SEZ6: variants seen among roughly 807,000 people sequenced by gnomAD.
The protein encoded by SEZ6 is seizure related 6 homolog.
Under a neutral mutation model 101.0 loss-of-function variants are expected in SEZ6, and 53 were observed. The observed-to-expected ratio is 0.52, with a 90% CI of 0.42 to 0.66. SEZ6 has a LOEUF of 0.66. SEZ6 is among the 30% of genes least tolerant of loss of function. SEZ6 has a pLI of 0.00. For missense variants in SEZ6, 1,102 were observed against 1,289.4 expected (o/e 0.85, Z 2.23); for synonymous variants, 488 against 512.2 (o/e 0.95, Z 0.64).
chr17:28,969,850 G>T lies in SEZ6; in HGVS notation c.961C>A (p.Gln321Lys). The change falls in exon 4 of 17, where the codon CAA (glutamine) becomes AAA (lysine). Residue 321 changes from glutamine (Q) to lysine (K), a missense_variant. By Grantham distance (53) the Gln-to-Lys change is moderately conservative. Transcript: ENST00000317338. Reference protein sequence around the residue: ...LANQSFLLRGQVIRSPTHQAA... With the variant: ...LANQSFLLRGKVIRSPTHQAA... ...TGGTGGGTGGGGCTGCGGATGACTT[G>T]GCCCCGCAGCAGGAAAGACTGGTTG... 2 of 1,533,568 alleles carry T rather than the reference G, an allele frequency of 1.3e-6. No individual in the cohort carries two copies. Among genetic ancestry groups the T allele is most frequent in the Non-Finnish European group, 1.7e-6 (2 of 1,150,652 alleles). 95.0% of individuals were successfully genotyped at this position (1,533,568 alleles called of 1,614,324 possible).
At chr17:28,970,077 G>A in intron 3 of SEZ6, 125 bp from the exon 4 acceptor site, 3 of 828,522 alleles carry the variant, frequency 3.6e-6, no homozygotes, top group Non-Finnish European at 1.7e-6. Flanking sequence ...GAGCATCGGA[G>A]CCCCCAGGCC....
rs369707976 is a variant in SEZ6 at position 28,959,320 on chromosome 17, C to T, written c.1910+14G>A. 13 of 1,613,836 alleles carry T rather than the reference C, an allele frequency of 8.1e-6. No individual in the cohort carries two copies. The highest frequency in any genetic ancestry group is 1.7e-5 in the Admixed American group (1 of 60,002). On this transcript the variant is annotated intron_variant, in intron 9 of 16. Coordinates refer to ENST00000317338, the MANE Select transcript of SEZ6 (RefSeq NM_178860.5). This position sits in a 1 kb window ranked among gnomAD's most constrained non-coding sequence, Gnocchi z 4.4. ...CCTCAGGAGTTGGCTCGGCCTGACC[C>T]GGTAGGCACTCACACTCGGATGTCC...
At chr17:28,963,879 G>A in intron 5 of SEZ6, 83 bp downstream of exon 5, 6 of 1,496,988 alleles carry the variant, frequency 4.0e-6, no homozygotes, top group Non-Finnish European at 5.5e-6. Flanking sequence ...GCAAATGAAA[G>A]TGGCAGAGAG....
At chr17:28,964,931 C>A (rs1347563684) in intron 4 of SEZ6, among the ~76,000 whole-genome samples, 1 of 152,060 alleles carries the variant, frequency 6.6e-6, no homozygotes, top group African/African-American at 2.4e-5. Flanking sequence ...TGGCGCATGC[C>A]TGTAATCCCA....
intron 1 of SEZ6, among the ~76,000 whole-genome samples, chr17:28,987,131 C>A (rs1300200965): frequency 6.6e-6 from 1 of 152,224 alleles, no homozygotes; most frequent in Non-Finnish European, 1.5e-5. Context: ...AGAGGTTAAG[C>A]TGGCCCAGCA....
In SEZ6 at chr17:28,970,026, G is replaced by A. The variant is rs2041128970; in HGVS notation, c.859-74C>T. 5 of 1,374,806 alleles carry A rather than the reference G, an allele frequency of 3.6e-6. No homozygotes were observed. The East Asian group carries it at 1.1e-4, about 30-fold the overall frequency. The allele number at this position is 1,374,806 out of a possible 1,614,324, so 85.2% of individuals were successfully genotyped here. ...GCTGCCTGGATCCTGCCGCCCTCAGGATCCTGCAGGCCCCGGGCAGATCAA... is the reference window on the plus strand; with the variant it reads ...GCTGCCTGGATCCTGCCGCCCTCAGAATCCTGCAGGCCCCGGGCAGATCAA... On this transcript the variant is annotated intron_variant, in intron 3 of 16. Transcript: ENST00000317338.
chr17:28,960,747 C>T (rs1017959499), intron 6 of SEZ6, 58 bp downstream of exon 6: 1 of 1,611,338 alleles, frequency 6.2e-7, no homozygotes. Context: ...TGGGTAGCGT[C>T]CCTCCAGCAG....
At chr17:28,970,916 G>T (rs765474156) in intron 3 of SEZ6, among the ~76,000 whole-genome samples, 1 of 152,190 alleles carries the variant, frequency 6.6e-6, no homozygotes, top group African/African-American at 2.4e-5. Flanking sequence ...CATGTCAATC[G>T]TGATTCTCTC....
At chr17:28,983,587 G>A (rs1200850530) in intron 1 of SEZ6, among the ~76,000 whole-genome samples, 1 of 152,010 alleles carries the variant, frequency 6.6e-6, no homozygotes, top group East Asian at 1.9e-4. Flanking sequence ...TAGCTGGAGA[G>A]ATGATGCATA....
chr17:28,980,094 G>A (rs1967079), intron 2 of SEZ6, among the ~76,000 whole-genome samples: 4 of 150,758 alleles, frequency 2.7e-5, no homozygotes, highest in Admixed American at 6.6e-5. Flanking sequence ...TGATCCGCCC[G>A]CCTCAGCCTC....
At chr17:28,999,752 G>A (rs887214782) in intron 1 of SEZ6, among the ~76,000 whole-genome samples, 1 of 152,104 alleles carries the variant, frequency 6.6e-6, no homozygotes, top group Non-Finnish European at 1.5e-5. Context: ...GGAAGCCCAG[G>A]ATGCCAGGAC....
At chr17:29,002,881 C>G (rs1385496851) in intron 1 of SEZ6, among the ~76,000 whole-genome samples, 1 of 152,184 alleles carries the variant, frequency 6.6e-6, no homozygotes, top group Non-Finnish European at 1.5e-5. Context: ...TTTTCTCCTC[C>G]AGACCTTCCC....
In SEZ6 at chr17:28,961,558, G is replaced by A. The variant is rs2040978810; in HGVS notation, c.1241-585C>T. ...TAGATCCGGGCGGCAAACACCTGAT[G>A]TGCATGCCATCCGCCCCGGCCTCAC... is the stretch of plus-strand genomic sequence containing the variant. On this transcript the variant is annotated intron_variant, in intron 5 of 16. Coordinates refer to ENST00000317338, the MANE Select transcript of SEZ6 (RefSeq NM_178860.5). Among the ~76,000 whole-genome samples, 4 of 152,338 alleles carry A rather than the reference G, an allele frequency of 2.6e-5. No homozygotes were observed. In the South Asian group the frequency reaches 6.2e-4, roughly 24 times the overall value.
At chr17:28,980,731 T>G (rs918244434) in intron 2 of SEZ6, among the ~76,000 whole-genome samples, 1 of 151,834 alleles carries the variant, frequency 6.6e-6, no homozygotes, top group African/African-American at 2.4e-5. Flanking sequence ...CTTGAACTTC[T>G]GATGTCAGGT....
intron 4 of SEZ6, among the ~76,000 whole-genome samples, chr17:28,965,937 A>C (rs1265957754): frequency 2.0e-5 from 3 of 151,032 alleles, no homozygotes; most frequent in Non-Finnish European, 3.0e-5. Context: ...TCAAGAGTTC[A>C]AGACCAGCCT....
intron 1 of SEZ6, among the ~76,000 whole-genome samples, chr17:28,984,520 C>T (rs925265568): frequency 3.3e-5 from 5 of 152,232 alleles, no homozygotes; most frequent in Non-Finnish European, 5.9e-5. Context: ...AGGCACAGCT[C>T]TTCCCGCTGG....
At chr17:28,971,331 G>A (rs2041148440) in intron 3 of SEZ6, among the ~76,000 whole-genome samples, 1 of 152,150 alleles carries the variant, frequency 6.6e-6, no homozygotes, top group Non-Finnish European at 1.5e-5. Flanking sequence ...TGTGGCTCAC[G>A]CCTGTAATCC....
At chr17:28,970,817 T>C (rs1280931422) in intron 3 of SEZ6, among the ~76,000 whole-genome samples, 1 of 152,236 alleles carries the variant, frequency 6.6e-6, no homozygotes, top group African/African-American at 2.4e-5. Flanking sequence ...GCCGATAATA[T>C]GTAGTTCAAA....
Position 28,959,421 on chromosome 17 carries a change from T to C in SEZ6, c.1823A>G (p.Asn608Ser). The change falls in exon 9 of 17, where the codon AAC becomes AGC. Residue 608 changes from asparagine to serine, a missense_variant. Asn to Ser is a conservative substitution (Grantham distance 46). Coordinates refer to ENST00000317338, the MANE Select transcript of SEZ6 (RefSeq NM_178860.5). This position sits in a 1 kb window ranked among gnomAD's most constrained non-coding sequence, Gnocchi z 4.4. ...TDSAGVVLSP[N>S]WPEPYGRGQD... ...CCCACGACCGTAGGGCTCTGGCCAG[T>C]TGGGAGAGAGTACCACGCCAGCCGA... is the stretch of plus-strand genomic sequence containing the variant. 1 of 1,613,762 alleles carries C rather than the reference T, an allele frequency of 6.2e-7. No individual in the cohort carries two copies. Among genetic ancestry groups the C allele is most frequent in the Non-Finnish European group, 8.5e-7 (1 of 1,179,844 alleles).
Sources: gnomAD v4.1 joint callset for allele counts (sites outside exome capture counted in the v4.1 genomes callset) on GRCh38, gnomAD v4.1.1 for gene constraint, Gnocchi (gnomAD v3.1) non-coding constraint, MANE v1.5 for transcripts, NCBI Gene and HGNC (gene_info 2026-07-23, HGNC 2026-07-21) for gene names.